YTHDF3: variants seen among roughly 807,000 people sequenced by gnomAD.
YTHDF3 encodes the protein YTH N6-methyladenosine RNA binding protein F3, also known as YTH domain-containing family protein 3.
YTHDF3 carries 9 observed loss-of-function variants against 52.5 expected under a neutral mutation model. The observed-to-expected ratio is 0.17, with a 90% CI of 0.10 to 0.30. YTHDF3 has a LOEUF of 0.30. YTHDF3 is among the 10% of genes least tolerant of loss of function. The pLI, the probability that YTHDF3 is intolerant of heterozygous loss-of-function variation, is 1.00. For synonymous variants in YTHDF3, 274 were observed against 243.3 expected, an observed-to-expected ratio of 1.13 and a Z score of -1.18; for missense variants, 534 against 715.0, an observed-to-expected ratio of 0.75 and a Z score of 2.89.
chr8:63,169,570 A>G lies in YTHDF3; in HGVS notation c.49+159A>G. The G allele has an allele frequency of 1.2e-5, 9 of 757,730 alleles. No individual in the cohort carries two copies. The South Asian group carries it at 1.7e-4, about 14-fold the overall frequency. 46.9% of individuals were successfully genotyped at this position (757,730 alleles called of 1,614,324 possible). A position where few individuals can be genotyped will look rare whatever the true frequency, so the allele number is the denominator to read the frequency against. ...CTAAGGTAGCCAAGTTCTATCCAGA[A>G]CTTCGGTAGTTCGTTGCTTTGAAGC... On this transcript the variant is annotated intron_variant, in intron 2 of 4. Coordinates refer to ENST00000539294, the MANE Select transcript of YTHDF3 (RefSeq NM_152758.6).
At chr8:63,205,096 C>G (rs979297046) in intron 4 of YTHDF3, among the ~76,000 whole-genome samples, 2 of 152,036 alleles carry the variant, frequency 1.3e-5, no homozygotes, top group Non-Finnish European at 2.9e-5. Context: ...AAATTCCAGT[C>G]TTTGCTCTAG....
chr8:63,195,875 C>T (rs1809205875), intron 4 of YTHDF3, among the ~76,000 whole-genome samples: 1 of 152,048 alleles, frequency 6.6e-6, no homozygotes, highest in South Asian at 2.1e-4. Flanking sequence ...ATCATAAGTT[C>T]ACTGCAGCCT....
At chr8:63,169,013 C>T (rs1247589406) in intron 1 of YTHDF3, 112 bp downstream of exon 1, 5 of 1,476,020 alleles carry the variant, frequency 3.4e-6, no homozygotes, top group Non-Finnish European at 4.5e-6. Context: ...ATAACGGTGC[C>T]CCGGGCGCAA....
chr8:63,196,201 A>G (rs567203539), intron 4 of YTHDF3, among the ~76,000 whole-genome samples: 2 of 151,766 alleles, frequency 1.3e-5, no homozygotes, highest in East Asian at 3.9e-4. Flanking sequence ...TTGAGGCTGC[A>G]GTTAGCCGTG....
intron 4 of YTHDF3, among the ~76,000 whole-genome samples, chr8:63,196,713 TGA>T (rs1563409074): frequency 1.3e-5 from 2 of 152,228 alleles, no homozygotes; most frequent in South Asian, 2.1e-4. Flanking sequence ...ATTTTTGGGT[TGA>T]GAGGGGTGGA....
At chr8:63,189,496 T>C (rs1455635790) in intron 4 of YTHDF3, among the ~76,000 whole-genome samples, 1 of 152,232 alleles carries the variant, frequency 6.6e-6, no homozygotes, top group Non-Finnish European at 1.5e-5. Flanking sequence ...GAATGCTTGT[T>C]CCTATGTAGA....
Position 63,187,730 on chromosome 8 carries a change from G to A in YTHDF3, c.1719G>A (p.Glu573=). The part of the protein sequence containing the change: ...FAHYEKRQEE[E]EAMRRERNRN... ...ATTATGAAAAGCGTCAAGAAGAGGA[G>A]GAAGCCATGCGTAGGGTAAGAATAT... Residue 573 remains glutamate (E), a synonymous_variant, in exon 4 of 5, where the codon GAG becomes GAA. Transcript: ENST00000539294. 1 of 1,607,588 alleles carries A rather than the reference G, an allele frequency of 6.2e-7. No homozygotes were observed. Among genetic ancestry groups the A allele is most frequent in the Non-Finnish European group, 8.5e-7 (1 of 1,176,846 alleles).
chr8:63,208,041 G>A (rs956678930), intron 4 of YTHDF3, among the ~76,000 whole-genome samples: 2 of 152,006 alleles, frequency 1.3e-5, no homozygotes, highest in Non-Finnish European at 2.9e-5. Context: ...TTCTTCTTTT[G>A]CTGATATGGT....
At chr8:63,177,656 T>C (rs1285514888) in intron 3 of YTHDF3, among the ~76,000 whole-genome samples, 12 of 152,214 alleles carry the variant, frequency 7.9e-5, no homozygotes, top group Admixed American at 7.9e-4. Context: ...ACAGTTGAAC[T>C]GTTTTTTTTG....
chr8:63,175,062 G>A (rs1042566922), intron 2 of YTHDF3, among the ~76,000 whole-genome samples: 1 of 152,236 alleles, frequency 6.6e-6, no homozygotes, highest in East Asian at 1.9e-4. Flanking sequence ...TTGAGATTGG[G>A]ATATTTACTT....
intron 3 of YTHDF3, among the ~76,000 whole-genome samples, chr8:63,185,870 G>A (rs1387456943): frequency 1.3e-5 from 2 of 152,054 alleles, no homozygotes; most frequent in South Asian, 2.1e-4. Flanking sequence ...CAGAGGGCCT[G>A]GCTCTTCAAA....
rs796075841 is a variant in YTHDF3 at position 63,202,684 on chromosome 8, A to G, written c.1735-6999A>G. Reference sequence around the variant, plus strand: ...TGACATGTTTGTCAGGCTGGTCTCAAACCTCTGACCTCAGGTGAGCCACCC... The same window carrying G: ...TGACATGTTTGTCAGGCTGGTCTCAGACCTCTGACCTCAGGTGAGCCACCC... On this transcript the variant is annotated intron_variant, in intron 4 of 4. Transcript: ENST00000539294. Among the ~76,000 whole-genome samples the G allele has an allele frequency of 3.3e-5, 5 of 152,094 alleles. No homozygotes were observed. The South Asian group carries it at 6.2e-4, about 19-fold the overall frequency.
chr8:63,194,989 CTT>C (rs1260164491), intron 4 of YTHDF3, among the ~76,000 whole-genome samples: 1 of 152,176 alleles, frequency 6.6e-6, no homozygotes, highest in Non-Finnish European at 1.5e-5. Flanking sequence ...AATTTCATCT[CTT>C]GTCATTGCTA....
intron 3 of YTHDF3, among the ~76,000 whole-genome samples, chr8:63,181,669 T>C (rs1416750422): frequency 6.6e-6 from 1 of 152,224 alleles, no homozygotes; most frequent in Non-Finnish European, 1.5e-5. Flanking sequence ...TTGTAATTCA[T>C]TTAGAGTAGC....
chr8:63,201,135 TA>T lies in YTHDF3; in HGVS notation c.1735-8547del, dbSNP rs1421163022. ...TTAAGCAAGGAAGTTACATACAAAT[TA>T]GATATGTTGAAGTGTCACTTTAGAA... is the stretch of plus-strand genomic sequence containing the variant. On this transcript the variant is annotated intron_variant, in intron 4 of 4. Transcript: ENST00000539294. Among the ~76,000 whole-genome samples, 5 of 152,336 alleles carry T rather than the reference TA, an allele frequency of 3.3e-5. No individual in the cohort carries two copies. In the East Asian group the frequency reaches 7.7e-4, roughly 23 times the overall value.
chr8:63,176,210 CTG>C (rs1249897389), intron 3 of YTHDF3, among the ~76,000 whole-genome samples: 2 of 152,140 alleles, frequency 1.3e-5, no homozygotes, highest in Admixed American at 1.3e-4. Context: ...TGGAATGAAA[CTG>C]TTTGTTTTGC....
chr8:63,198,008 C>T (rs567568143), intron 4 of YTHDF3, among the ~76,000 whole-genome samples: 14 of 152,178 alleles, frequency 9.2e-5, no homozygotes, highest in African/African-American at 3.1e-4. Flanking sequence ...TTTTTTAATT[C>T]CACATAGGAA....
chr8:63,173,603 AT>A (rs1411911633), intron 2 of YTHDF3: 3 of 973,156 alleles, frequency 3.1e-6, no homozygotes, highest in East Asian at 1.1e-4. Context: ...ATAGTGAAGA[AT>A]TTTTTTTCAA....
In YTHDF3 at chr8:63,210,538, T is replaced by A. The variant is rs912186188; in HGVS notation, c.*832T>A. 4 of 152,612 alleles carry A rather than the reference T, an allele frequency of 2.6e-5. No homozygotes were observed. Among genetic ancestry groups the A allele is most frequent in the African/African-American group, 9.6e-5 (4 of 41,452 alleles). The allele number at this position is 152,612 out of a possible 1,614,324, so 9.5% of individuals were successfully genotyped here. A position where few individuals can be genotyped will look rare whatever the true frequency, so the allele number is the denominator to read the frequency against. Reference sequence around the variant, plus strand: ...TTATAACTACATTTAAAACCCTTAATTCCTATTTCTGGGTGTTTGCGAGCC... The same window carrying A: ...TTATAACTACATTTAAAACCCTTAAATCCTATTTCTGGGTGTTTGCGAGCC... On this transcript the variant is annotated 3_prime_UTR_variant, in exon 5 of 5. Coordinates refer to ENST00000539294, the MANE Select transcript of YTHDF3 (RefSeq NM_152758.6).
Sources: gnomAD v4.1 joint callset for allele counts (sites outside exome capture counted in the v4.1 genomes callset) on GRCh38, gnomAD v4.1.1 for gene constraint, MANE v1.5 for transcripts, NCBI Gene and HGNC (gene_info 2026-07-23, HGNC 2026-07-21) for gene names.